Variants in MSI2 observed in about 807,000 individuals in gnomAD.
MSI2 encodes musashi RNA binding protein 2.
Under a neutral mutation model 45.6 loss-of-function variants are expected in MSI2, and 17 were observed. That is an observed-to-expected ratio of 0.37 (90% CI 0.26 to 0.56). The LOEUF is 0.56. MSI2 is among the 20% of genes least tolerant of loss of function. The probability of loss-of-function intolerance (pLI) is 0.77; values close to 1 mark genes in which losing one functional copy is unlikely to be tolerated. For missense variants in MSI2, 293 were observed against 444.2 expected (o/e 0.66, Z 3.06); for synonymous variants, 156 against 158.2 (o/e 0.99, Z 0.11).
chr17:57,283,777 C>T (rs544083887), intron 5 of MSI2, among the ~76,000 whole-genome samples: 12 of 152,342 alleles, frequency 7.9e-5, no homozygotes, highest in Non-Finnish European at 1.3e-4. Flanking sequence ...GAAGACCACA[C>T]GCGCACGCGC....
chr17:57,588,624 A>G (rs1358391621), intron 7 of MSI2, among the ~76,000 whole-genome samples: 1 of 152,192 alleles, frequency 6.6e-6, no homozygotes, highest in African/African-American at 2.4e-5. Flanking sequence ...ATATTTAAGA[A>G]ATCACATACT....
intron 8 of MSI2, 89 bp from the exon 9 acceptor site, chr17:57,615,881 A>C: frequency 9.8e-7 from 1 of 1,015,814 alleles, no homozygotes; most frequent in Non-Finnish European, 1.5e-6. Flanking sequence ...AAGGCTAAAA[A>C]TAACTTAGCT....
At position 57,624,603 on chromosome 17, in the gene MSI2, G is replaced by A. The variant is rs887531854; in HGVS notation, c.653-2626G>A. 3.3e-5 allele frequency among the ~76,000 whole-genome samples: 5 copies of A among 152,262 alleles called. No individual in the cohort carries two copies. In the South Asian group the frequency reaches 1.0e-3, roughly 32 times the overall value. On this transcript the variant is annotated intron_variant, in intron 9 of 13. Transcript: ENST00000284073. ...CAGAGCTGCTGGGTCCTTCTGCCTC[G>A]CTTGGGCAGGCTTCTGTCAATGAGT...
chr17:57,529,818 A>G lies in MSI2; in HGVS notation c.454+94A>G, dbSNP rs908386275. ...CCCACTGACAAAAGATACAGTGAAGAGTCCAGAGTCAAGCAGGTAGAGGTG... is the reference window on the plus strand; with the variant it reads ...CCCACTGACAAAAGATACAGTGAAGGGTCCAGAGTCAAGCAGGTAGAGGTG... On this transcript the variant is annotated intron_variant, in intron 7 of 13. Coordinates refer to ENST00000284073, the MANE Select transcript of MSI2 (RefSeq NM_138962.4). The surrounding 1 kb of genome is among the most constrained non-coding windows in gnomAD (Gnocchi z 5.3). 2 of 1,038,018 alleles carry G rather than the reference A, an allele frequency of 1.9e-6. No homozygotes were observed. Among genetic ancestry groups the G allele is most frequent in the African/African-American group, 1.6e-5 (1 of 61,428 alleles). The allele number at this position is 1,038,018 out of a possible 1,614,324, so 64.3% of individuals were successfully genotyped here. A position where few individuals can be genotyped will look rare whatever the true frequency, so the allele number is the denominator to read the frequency against.
At chr17:57,351,430 T>C (rs1272636478) in intron 5 of MSI2, among the ~76,000 whole-genome samples, 1 of 152,158 alleles carries the variant, frequency 6.6e-6, no homozygotes, top group Non-Finnish European at 1.5e-5. Flanking sequence ...AAGCCAAAAC[T>C]GAGTGCTTGT....
intron 5 of MSI2, among the ~76,000 whole-genome samples, chr17:57,362,654 A>T (rs1040996334): frequency 1.3e-5 from 2 of 152,148 alleles, no homozygotes; most frequent in African/African-American, 2.4e-5. Context: ...GGGGGGAAAA[A>T]AGTGCCAGAT....
At chr17:57,581,647 G>A (rs1186411359) in intron 7 of MSI2, among the ~76,000 whole-genome samples, 1 of 152,174 alleles carries the variant, frequency 6.6e-6, no homozygotes, top group East Asian at 1.9e-4. Context: ...TAGAGGGGCT[G>A]AGGGTGAACC....
chr17:57,634,682 A>G (rs1909705071), intron 10 of MSI2, among the ~76,000 whole-genome samples: 1 of 152,230 alleles, frequency 6.6e-6, no homozygotes, highest in East Asian at 1.9e-4. Flanking sequence ...GAGAAACACA[A>G]AAGTAATAAG....
intron 5 of MSI2, among the ~76,000 whole-genome samples, chr17:57,275,495 G>C (rs1171890252): frequency 6.6e-6 from 1 of 152,200 alleles, no homozygotes; most frequent in East Asian, 1.9e-4. Flanking sequence ...GATTGGTAGA[G>C]CTCAGGAAAT....
intron 5 of MSI2, among the ~76,000 whole-genome samples, chr17:57,358,653 G>T (rs1916613675): frequency 1.3e-5 from 2 of 152,142 alleles, no homozygotes; most frequent in Non-Finnish European, 2.9e-5. Flanking sequence ...GCCCAGTGAG[G>T]TTAAAAGAGG....
chr17:57,515,350 C>A (rs1370937158), intron 6 of MSI2, among the ~76,000 whole-genome samples: 1 of 152,042 alleles, frequency 6.6e-6, no homozygotes, highest in Non-Finnish European at 1.5e-5. Context: ...ATTACAGGCG[C>A]CTGTCACCAT....
intron 7 of MSI2, among the ~76,000 whole-genome samples, chr17:57,555,206 G>A (rs996304338): frequency 7.2e-5 from 11 of 152,150 alleles, no homozygotes; most frequent in South Asian, 4.1e-4. Flanking sequence ...GCCAGCGTCC[G>A]CACCGCCAGC....
intron 7 of MSI2, among the ~76,000 whole-genome samples, chr17:57,553,739 C>T (rs893190264): frequency 4.6e-5 from 7 of 152,162 alleles, no homozygotes; most frequent in East Asian, 1.9e-4. Context: ...AAGAGATAAC[C>T]GGTTGTTTTT....
chr17:57,571,332 C>A (rs2087872203), intron 7 of MSI2, among the ~76,000 whole-genome samples: 1 of 152,174 alleles, frequency 6.6e-6, no homozygotes, highest in African/African-American at 2.4e-5. Context: ...GTCTTCTCTC[C>A]CCGCATTTCA....
intron 6 of MSI2, among the ~76,000 whole-genome samples, chr17:57,446,480 C>T (rs1347529687): frequency 1.3e-5 from 2 of 152,206 alleles, no homozygotes; most frequent in Non-Finnish European, 2.9e-5. Context: ...GCACAGCTGG[C>T]CCCCTTTGGG....
At chr17:57,540,586 G>C (rs1864906841) in intron 7 of MSI2, among the ~76,000 whole-genome samples, 1 of 152,202 alleles carries the variant, frequency 6.6e-6, no homozygotes, top group Non-Finnish European at 1.5e-5. Context: ...GGAGTGAACT[G>C]ATCTCACCAT....
chr17:57,633,195 C>T, intron 10 of MSI2: 1 of 1,012,954 alleles, frequency 9.9e-7, no homozygotes, highest in Non-Finnish European at 1.2e-6. Context: ...ATACTGTGTG[C>T]TGCCGTCTCT....
At chr17:57,518,705 G>A (rs1470421132) in intron 6 of MSI2, among the ~76,000 whole-genome samples, 1 of 152,124 alleles carries the variant, frequency 6.6e-6, no homozygotes, top group African/African-American at 2.4e-5. Context: ...AGGCTGGAGA[G>A]GGGGAGAAGG....
intron 7 of MSI2, among the ~76,000 whole-genome samples, chr17:57,531,409 A>C (rs2086819604): frequency 6.6e-6 from 1 of 152,220 alleles, no homozygotes; most frequent in Non-Finnish European, 1.5e-5. Context: ...CCGGTTGGAA[A>C]AATAACCAAG....
Sources: gnomAD v4.1 joint callset for allele counts (sites outside exome capture counted in the v4.1 genomes callset) on GRCh38, gnomAD v4.1.1 for gene constraint, Gnocchi (gnomAD v3.1) non-coding constraint, MANE v1.5 for transcripts, NCBI Gene and HGNC (gene_info 2026-07-23, HGNC 2026-07-21) for gene names.